CTTNBP2: variants seen among roughly 807,000 people sequenced by gnomAD.
CTTNBP2 encodes cortactin-binding protein 2.
In CTTNBP2, 108 loss-of-function variants were observed where a neutral mutation model predicts 156.9. The ratio of observed to expected loss-of-function variants is 0.69; its 90% confidence interval spans 0.59 to 0.81. CTTNBP2 has a LOEUF of 0.81. Ranked by LOEUF, CTTNBP2 falls within the 30% of genes least tolerant of loss-of-function variation. The probability of loss-of-function intolerance (pLI) is 0.00; values close to 1 mark genes in which losing one functional copy is unlikely to be tolerated. For synonymous variants in CTTNBP2, 767 were observed against 751.8 expected (o/e 1.02, Z -0.33); for missense variants, 1,924 against 2,035.4 (o/e 0.95, Z 1.05).
At chr7:117,813,017 C>T (rs1350124157) in intron 2 of CTTNBP2, among the ~76,000 whole-genome samples, 1 of 152,150 alleles carries the variant, frequency 6.6e-6, no homozygotes, top group Non-Finnish European at 1.5e-5. Flanking sequence ...ACCTTCTCCT[C>T]CTCTTTCTAA....
chr7:117,724,830 C>A (rs1325310139), intron 18 of CTTNBP2, 98 bp from the exon 19 acceptor site: 2 of 1,378,094 alleles, frequency 1.5e-6, no homozygotes, highest in Admixed American at 2.3e-5. Flanking sequence ...CAAAATAATG[C>A]ATTTATTTAG....
intron 12 of CTTNBP2, among the ~76,000 whole-genome samples, chr7:117,750,399 A>G (rs540639228): frequency 1.3e-5 from 2 of 152,244 alleles, no homozygotes; most frequent in Non-Finnish European, 2.9e-5. Context: ...CTTTGCATTT[A>G]CATAGTCTAA....
At chr7:117,798,231 A>T (rs1356668093) in intron 3 of CTTNBP2, among the ~76,000 whole-genome samples, 1 of 152,166 alleles carries the variant, frequency 6.6e-6, no homozygotes, top group Non-Finnish European at 1.5e-5. Context: ...GAATATAAAT[A>T]GTATATCTGA....
At chr7:117,773,170 TA>T (rs1797883194) in intron 8 of CTTNBP2, among the ~76,000 whole-genome samples, 1 of 152,214 alleles carries the variant, frequency 6.6e-6, no homozygotes, top group Non-Finnish European at 1.5e-5. Flanking sequence ...CTGAACTAGC[TA>T]CCCAACTCCA....
In CTTNBP2 at chr7:117,736,383, T is replaced by C. The variant is rs577028214; in HGVS notation, c.3536-962A>G. ...AGGTGAGAGGATCACCTGAGCCCAG[T>C]GAGCTGTGACTGTGCCACTGCATTG... On this transcript the variant is annotated intron_variant, in intron 14 of 22. Transcript: ENST00000160373. 1.8e-3 allele frequency among the ~76,000 whole-genome samples: 267 copies of C among 151,868 alleles called. 2 individuals are homozygous for C. Among genetic ancestry groups the C allele is most frequent in the African/African-American group, 6.1e-3 (254 of 41,428 alleles).
intron 17 of CTTNBP2, 41 bp downstream of exon 17, chr7:117,728,048 T>G: frequency 1.9e-6 from 3 of 1,575,090 alleles, no homozygotes; most frequent in Non-Finnish European, 2.6e-6. Context: ...ATTGGCCACG[T>G]CTCTATCATA....
At position 117,857,110 on chromosome 7, in the gene CTTNBP2, A is replaced by C. The variant is rs73716363; in HGVS notation, c.189+4099T>G. 6.6e-3 allele frequency among the ~76,000 whole-genome samples: 1,000 copies of C among 152,286 alleles called. 13 individuals are homozygous for C. The highest frequency in any genetic ancestry group is 0.023 in the African/African-American group (970 of 41,560). ...CACATTCTTTATTGAACTGCAAAATATTTTTCTTTGGACTTTATCTGAATG... is the reference window on the plus strand; with the variant it reads ...CACATTCTTTATTGAACTGCAAAATCTTTTTCTTTGGACTTTATCTGAATG... On this transcript the variant is annotated intron_variant, in intron 2 of 22. Coordinates refer to ENST00000160373, the MANE Select transcript of CTTNBP2 (RefSeq NM_033427.3).
intron 22 of CTTNBP2, among the ~76,000 whole-genome samples, chr7:117,714,786 G>A (rs150251613): frequency 6.6e-6 from 1 of 152,318 alleles, no homozygotes; most frequent in Non-Finnish European, 1.5e-5. Context: ...TTCAAGGCCA[G>A]GAGTGCAAGA....
At chr7:117,751,216 T>A (rs1322079835) in intron 12 of CTTNBP2, among the ~76,000 whole-genome samples, 1 of 152,250 alleles carries the variant, frequency 6.6e-6, no homozygotes, top group Non-Finnish European at 1.5e-5. Context: ...TTTCCACTAC[T>A]GTTGATGTGG....
intron 21 of CTTNBP2, among the ~76,000 whole-genome samples, chr7:117,718,558 C>T (rs145887690): frequency 1.1e-3 from 171 of 152,198 alleles, no homozygotes; most frequent in East Asian, 4.3e-3. Flanking sequence ...GGAAGCTGAA[C>T]GTTACAGCCA....
chr7:117,791,451 T>C lies in CTTNBP2; in HGVS notation c.1745A>G (p.Lys582Arg), dbSNP rs775942515. Residue 582 changes from lysine (K) to arginine (R), a missense_variant, in exon 4 of 23, where the codon AAA becomes AGA. By Grantham distance (26) the Lys-to-Arg change is conservative. Coordinates refer to ENST00000160373, the MANE Select transcript of CTTNBP2 (RefSeq NM_033427.3). ...ACTGGAAGGAGTCGAAGCCACAGTTTTGTTATCAACTTTGGCCCCTGTGTT... is the reference window on the plus strand; with the variant it reads ...ACTGGAAGGAGTCGAAGCCACAGTTCTGTTATCAACTTTGGCCCCTGTGTT... ...ASNTGAKVDN[K>R]TVASTPSSLP... 18 of 1,614,108 alleles carry C rather than the reference T, an allele frequency of 1.1e-5. No individual in the cohort carries two copies. Among genetic ancestry groups the C allele is most frequent in the Non-Finnish European group, 1.3e-5 (15 of 1,180,044 alleles).
At chr7:117,866,439 G>C (rs1230240910) in intron 1 of CTTNBP2, among the ~76,000 whole-genome samples, 1 of 152,170 alleles carries the variant, frequency 6.6e-6, no homozygotes, top group African/African-American at 2.4e-5. Flanking sequence ...TGGGGGATAT[G>C]TTGGTGACCA....
intron 22 of CTTNBP2, among the ~76,000 whole-genome samples, chr7:117,715,513 A>AT (rs1472954106): frequency 2.0e-5 from 3 of 148,136 alleles, no homozygotes; most frequent in African/African-American, 7.5e-5. Flanking sequence ...AGTGGATTTC[A>AT]TCATGCAACC....
At chr7:117,849,192 G>A (rs1335578451) in intron 2 of CTTNBP2, among the ~76,000 whole-genome samples, 1 of 152,174 alleles carries the variant, frequency 6.6e-6, no homozygotes, top group Non-Finnish European at 1.5e-5. Flanking sequence ...CACCTAATCA[G>A]CATCAGCGAT....
rs539799989 is a variant in CTTNBP2, at chr7:117,813,947, T to A, written c.190-2958A>T. ...ATTTCTTACAATAATTTGCATCTTG[T>A]TCCTCACTTTGGTATCTGATATTTA... On this transcript the variant is annotated intron_variant, in intron 2 of 22. Transcript: ENST00000160373. Among the ~76,000 whole-genome samples the A allele has an allele frequency of 7.9e-5, 12 of 152,348 alleles. No individual in the cohort carries two copies. In the East Asian group the frequency reaches 1.5e-3, roughly 20 times the overall value.
At chr7:117,806,744 A>ATTTTTTT in intron 3 of CTTNBP2, among the ~76,000 whole-genome samples, 1 of 119,226 alleles carries the variant, frequency 8.4e-6, no homozygotes, top group Non-Finnish European at 1.7e-5. Context: ...TCTTTTTCTC[A>ATTTTTTT]TTTTTTTTTT....
chr7:117,781,643 C>G (rs958105502), intron 6 of CTTNBP2, among the ~76,000 whole-genome samples: 12 of 152,194 alleles, frequency 7.9e-5, no homozygotes, highest in African/African-American at 2.9e-4. Context: ...GAGGCCGAGG[C>G]AGGGGTATCG....
chr7:117,758,167 G>T, intron 10 of CTTNBP2, 197 bp from the exon 11 acceptor site: 1 of 553,944 alleles, frequency 1.8e-6, no homozygotes, highest in African/African-American at 1.9e-5. Context: ...TGAAAGGAAG[G>T]CTTTCAATCT....
chr7:117,718,113 C>G lies in CTTNBP2; in HGVS notation c.4651G>C (p.Asp1551His). ...KSESDISKIA[D>H]SRDDLRMFDS... is the part of the protein sequence containing the mutation. ...AACATCCTTAAATCATCCCTGGAAT[C>G]AGCAATCTAGAAAATACAGAATTTG... The change falls in exon 22 of 23, where the codon GAT becomes CAT. Residue 1551 changes from aspartate (D) to histidine (H), a missense_variant. Asp to His is a moderately conservative substitution (Grantham distance 81). Coordinates refer to ENST00000160373, the MANE Select transcript of CTTNBP2 (RefSeq NM_033427.3). The G allele has an allele frequency of 6.2e-7, 1 of 1,608,738 alleles. No individual in the cohort carries two copies. The highest frequency in any genetic ancestry group is 8.5e-7 in the Non-Finnish European group (1 of 1,175,640).
Sources: allele counts gnomAD v4.1 joint callset (sites outside exome capture counted in the v4.1 genomes callset), GRCh38; gene constraint gnomAD v4.1.1; transcripts MANE v1.5; gene names NCBI Gene and HGNC (gene_info 2026-07-23, HGNC 2026-07-21).